The following KPNA7 variants were observed in gnomAD, a reference collection of about 807,000 sequenced individuals.
The protein encoded by KPNA7 is karyopherin subunit alpha 7, also known as importin subunit alpha-8.
In KPNA7, 54 loss-of-function variants were observed where a neutral mutation model predicts 53.7. That is an observed-to-expected ratio of 1.01 (90% CI 0.81 to 1.26). KPNA7 has a LOEUF of 1.26. KPNA7 is among the 50% of genes most tolerant of loss of function. The pLI, the probability that KPNA7 is intolerant of heterozygous loss-of-function variation, is 0.00. For missense variants in KPNA7, 640 were observed against 644.5 expected, an observed-to-expected ratio of 0.99 and a Z score of 0.07; for synonymous variants, 276 against 259.3, an observed-to-expected ratio of 1.06 and a Z score of -0.62.
rs746438971 is a variant in KPNA7, at chr7:99,203,245, TG to T, written c.67-6del. ...CATCCTCTGCTGTCGCCTCAGCTAGTGAGGAAAAGAAATTGGAGCATTTAGA... is the reference window on the plus strand; with the variant it reads ...CATCCTCTGCTGTCGCCTCAGCTAGTAGGAAAAGAAATTGGAGCATTTAGA... On this transcript the variant is annotated splice_region_variant and splice_polypyrimidine_tract_variant and intron_variant, in intron 2 of 10. Coordinates refer to ENST00000327442, the MANE Select transcript of KPNA7 (RefSeq NM_001145715.3). 16 of 1,549,400 alleles carry T rather than the reference TG, an allele frequency of 1.0e-5. No individual in the cohort carries two copies. In the South Asian group the frequency reaches 1.7e-4, roughly 16 times the overall value.
the KPNA7 span, among the ~76,000 whole-genome samples, chr7:99,150,836 C>T: frequency 6.6e-6 from 1 of 152,234 alleles, no homozygotes; most frequent in African/African-American, 2.4e-5. Flanking sequence ...TGTGCAGAAC[C>T]CGTAACCAAA....
chr7:99,212,491 T>C (rs1791102080), upstream of KPNA7, among the ~76,000 whole-genome samples: 1 of 151,878 alleles, frequency 6.6e-6, no homozygotes, highest in Admixed American at 6.6e-5. Flanking sequence ...TGACCTCAGG[T>C]GGCCCACCCG....
chr7:99,192,614 T>C (rs1043722197), intron 6 of KPNA7, among the ~76,000 whole-genome samples: 4 of 152,130 alleles, frequency 2.6e-5, no homozygotes, highest in African/African-American at 9.7e-5. Context: ...CTCACTATGT[T>C]GCCCAGGCTG....
chr7:99,160,848 C>T, the KPNA7 span, among the ~76,000 whole-genome samples: 1 of 151,906 alleles, frequency 6.6e-6, no homozygotes, highest in African/African-American at 2.4e-5. Context: ...ACAAGGTTAT[C>T]GTATAGCAGA....
chr7:99,179,679 G>A (rs1351270889), intron 9 of KPNA7, among the ~76,000 whole-genome samples: 1 of 151,918 alleles, frequency 6.6e-6, no homozygotes, highest in Non-Finnish European at 1.5e-5. Flanking sequence ...CCACCACCCA[G>A]GTTCAAGTGA....
At chr7:99,168,554 A>C in the KPNA7 span, among the ~76,000 whole-genome samples, 1 of 152,072 alleles carries the variant, frequency 6.6e-6, no homozygotes, top group Non-Finnish European at 1.5e-5. Context: ...TCTGTCCCCC[A>C]GGCTGGGGTG....
At chr7:99,162,702 G>A in the KPNA7 span, among the ~76,000 whole-genome samples, 8 of 152,184 alleles carry the variant, frequency 5.3e-5, no homozygotes, top group East Asian at 1.2e-3. Flanking sequence ...TAGATCACTC[G>A]GACAACAGTG....
Position 99,183,513 on chromosome 7 carries a change from C to T in KPNA7, c.1134+1416G>A, listed in dbSNP as rs146368424. On this transcript the variant is annotated intron_variant, in intron 8 of 10. Transcript: ENST00000327442. ...TAGATGTTTCTCACTAGAATATGTACAGATTTACAGAGGCGTGCAGGACCA... is the reference window on the plus strand; with the variant it reads ...TAGATGTTTCTCACTAGAATATGTATAGATTTACAGAGGCGTGCAGGACCA... 8.4e-3 allele frequency among the ~76,000 whole-genome samples: 1,276 copies of T among 152,256 alleles called. 8 individuals are homozygous for T. Among genetic ancestry groups the T allele is most frequent in the Non-Finnish European group, 0.013 (881 of 68,024 alleles).
the KPNA7 span, among the ~76,000 whole-genome samples, chr7:99,158,224 A>T: frequency 6.6e-6 from 1 of 152,058 alleles, no homozygotes; most frequent in South Asian, 2.1e-4. Flanking sequence ...TCACAATGAT[A>T]TGCTTTGGCA....
At chr7:99,205,451 A>AT (rs1790758436) in intron 2 of KPNA7, among the ~76,000 whole-genome samples, 1 of 147,342 alleles carries the variant, frequency 6.8e-6, no homozygotes, top group Admixed American at 6.8e-5. Flanking sequence ...TTTGTTCCTG[A>AT]TGGTGGCCTA....
the KPNA7 span, among the ~76,000 whole-genome samples, chr7:99,148,661 G>A: frequency 6.6e-6 from 1 of 152,044 alleles, no homozygotes; most frequent in African/African-American, 2.4e-5. Flanking sequence ...CCATCATCAT[G>A]GCTGACTTCA....
intron 10 of KPNA7, among the ~76,000 whole-genome samples, chr7:99,174,621 G>C (rs951562033): frequency 7.2e-5 from 11 of 152,058 alleles, no homozygotes; most frequent in African/African-American, 2.7e-4. Context: ...AATCTAAGTG[G>C]AATCGCATTG....
intron 1 of KPNA7, among the ~76,000 whole-genome samples, chr7:99,217,454 G>A (rs1285485169): frequency 1.3e-5 from 2 of 152,082 alleles, no homozygotes; most frequent in East Asian, 3.9e-4. Context: ...CCAGGAAGGA[G>A]GGGTTCAGGG....
At chr7:99,192,134 CA>C (rs1196993303) in intron 6 of KPNA7, among the ~76,000 whole-genome samples, 2 of 152,160 alleles carry the variant, frequency 1.3e-5, no homozygotes, top group South Asian at 2.1e-4. Context: ...CCATTTATGC[CA>C]GAGGTTGCAA....
the KPNA7 span, among the ~76,000 whole-genome samples, chr7:99,154,586 A>G: frequency 4.6e-5 from 7 of 150,574 alleles, no homozygotes; most frequent in Non-Finnish European, 8.9e-5. Flanking sequence ...CTGGAGTGCA[A>G]TGGCACAATC....
intron 9 of KPNA7, among the ~76,000 whole-genome samples, chr7:99,179,321 C>T (rs1799057147): frequency 6.6e-6 from 1 of 151,900 alleles, no homozygotes. Context: ...CTTTGGGAGG[C>T]CGAGGTGAGA....
chr7:99,172,470 T>G (rs544116440), downstream of KPNA7, among the ~76,000 whole-genome samples: 10 of 152,256 alleles, frequency 6.6e-5, no homozygotes, highest in South Asian at 1.7e-3. Context: ...ATCCCAGCAC[T>G]TTGGGAGGCT....
intron 9 of KPNA7, among the ~76,000 whole-genome samples, chr7:99,178,618 A>G (rs1387364117): frequency 6.6e-6 from 1 of 151,860 alleles, no homozygotes; most frequent in Non-Finnish European, 1.5e-5. Context: ...AAGGTATCAC[A>G]ATTTTGTTAA....
intron 9 of KPNA7, 139 bp from the exon 10 acceptor site, chr7:99,178,205 C>T (rs1798993924): frequency 2.8e-6 from 2 of 715,558 alleles, no homozygotes; most frequent in Non-Finnish European, 4.6e-6. Context: ...TGCAATTTCA[C>T]TTTTCCCAAA....
Sources: allele counts gnomAD v4.1 joint callset (sites outside exome capture counted in the v4.1 genomes callset), GRCh38; gene constraint gnomAD v4.1.1; transcripts MANE v1.5; gene names NCBI Gene and HGNC (gene_info 2026-07-23, HGNC 2026-07-21).